PLEKHG1: variants seen among roughly 807,000 people sequenced by gnomAD.
The protein encoded by PLEKHG1 is pleckstrin homology and RhoGEF domain containing G1, also known as pleckstrin homology domain-containing family G member 1.
PLEKHG1 carries 44 observed loss-of-function variants against 100.8 expected under a neutral mutation model. The observed-to-expected ratio is 0.44, with a 90% CI of 0.34 to 0.56. The LOEUF (loss-of-function observed/expected upper bound fraction) is 0.56, where lower values mean the gene tolerates loss of function less well. Ranked by LOEUF, PLEKHG1 falls within the 20% of genes least tolerant of loss-of-function variation. The probability of loss-of-function intolerance (pLI) is 0.01; values close to 1 mark genes in which losing one functional copy is unlikely to be tolerated. For synonymous variants in PLEKHG1, 640 were observed against 662.5 expected (o/e 0.97, Z 0.52); for missense variants, 1,545 against 1,720.9 (o/e 0.90, Z 1.81).
chr6:150,604,991 G>T (rs762756698), intron 1 of PLEKHG1, among the ~76,000 whole-genome samples: 1 of 152,142 alleles, frequency 6.6e-6, no homozygotes, highest in African/African-American at 2.4e-5. Context: ...TGGGTGGGCC[G>T]CACTCTCTCT....
chr6:150,788,504 A>G (rs17080315), intron 4 of PLEKHG1, among the ~76,000 whole-genome samples: 191 of 152,340 alleles, frequency 1.3e-3, no homozygotes, highest in African/African-American at 4.4e-3. Context: ...TTATCGACAG[A>G]TGGAGAACAT....
intron 3 of PLEKHG1, among the ~76,000 whole-genome samples, chr6:150,777,228 T>C (rs13219452): frequency 7.0e-6 from 1 of 142,392 alleles, no homozygotes; most frequent in South Asian, 2.2e-4. Context: ...TGCACATGTG[T>C]GGTTGCACAT....
chr6:150,614,366 G>A (rs1043171972), intron 1 of PLEKHG1, among the ~76,000 whole-genome samples: 5 of 152,142 alleles, frequency 3.3e-5, no homozygotes, highest in Non-Finnish European at 5.9e-5. Context: ...ACTAGGAACC[G>A]TACTATTTTC....
intron 3 of PLEKHG1, among the ~76,000 whole-genome samples, chr6:150,660,176 C>T (rs1011279644): frequency 5.3e-5 from 8 of 151,808 alleles, no homozygotes; most frequent in Non-Finnish European, 2.9e-5. Flanking sequence ...TCCCAAAGTG[C>T]TGGGATTACA....
intron 3 of PLEKHG1, among the ~76,000 whole-genome samples, chr6:150,657,573 A>G (rs1210720497): frequency 1.3e-5 from 2 of 152,228 alleles, no homozygotes; most frequent in Non-Finnish European, 2.9e-5. Context: ...GTATTGGTAG[A>G]TTATCAGTAT....
At chr6:150,830,798 G>C (rs756100988) in exon 15 of PLEKHG1, 2 of 1,614,098 alleles carry the variant, frequency 1.2e-6, no homozygotes, top group South Asian at 2.2e-5. Context: ...TCAGATGTTC[G>C]TGCCGTCATT....
chr6:150,782,497 T>C (rs1273925141), intron 3 of PLEKHG1, among the ~76,000 whole-genome samples: 1 of 152,206 alleles, frequency 6.6e-6, no homozygotes, highest in Non-Finnish European at 1.5e-5. Context: ...TTCAGTGTAA[T>C]ATGAAGGATG....
intron 2 of PLEKHG1, among the ~76,000 whole-genome samples, chr6:150,735,554 A>T (rs964079186): frequency 2.0e-5 from 3 of 152,244 alleles, no homozygotes; most frequent in Admixed American, 1.3e-4. Flanking sequence ...GTACCTTCCC[A>T]GTAAAAATAG....
intron 1 of PLEKHG1, among the ~76,000 whole-genome samples, chr6:150,604,984 G>A (rs1234751263): frequency 6.6e-6 from 1 of 152,162 alleles, no homozygotes; most frequent in African/African-American, 2.4e-5. Context: ...AGAGCCCTGG[G>A]TGGGCCGCAC....
intron 4 of PLEKHG1, among the ~76,000 whole-genome samples, chr6:150,794,464 G>A (rs189157443): frequency 3.3e-5 from 5 of 151,988 alleles, no homozygotes; most frequent in African/African-American, 4.8e-5. Context: ...CCAGGAGTTC[G>A]AGACCAGCCT....
intron 15 of PLEKHG1, among the ~76,000 whole-genome samples, chr6:150,838,003 C>A (rs1777319766): frequency 6.6e-6 from 1 of 152,134 alleles, no homozygotes; most frequent in African/African-American, 2.4e-5. Context: ...TTACCTTGAT[C>A]ACAGGGAATA....
intron 1 of PLEKHG1, among the ~76,000 whole-genome samples, chr6:150,603,608 A>T (rs1443687148): frequency 6.6e-6 from 1 of 152,152 alleles, no homozygotes; most frequent in Non-Finnish European, 1.5e-5. Flanking sequence ...TTAGGAGTTG[A>T]CTGTGTATCT....
chr6:150,715,415 G>A (rs1323331396), intron 3 of PLEKHG1, among the ~76,000 whole-genome samples: 1 of 152,100 alleles, frequency 6.6e-6, no homozygotes, highest in Non-Finnish European at 1.5e-5. Context: ...TTCTTCTGAG[G>A]GACTTCAGTG....
chr6:150,698,607 T>TG (rs1244168162), intron 3 of PLEKHG1, among the ~76,000 whole-genome samples: 1 of 152,112 alleles, frequency 6.6e-6, no homozygotes, highest in Non-Finnish European at 1.5e-5. Flanking sequence ...AAAGAGTATT[T>TG]GGGGAAATGA....
chr6:150,670,552 C>T (rs973252717), intron 3 of PLEKHG1, among the ~76,000 whole-genome samples: 32 of 152,186 alleles, frequency 2.1e-4, no homozygotes, highest in African/African-American at 7.7e-4. Flanking sequence ...ACCAACATGT[C>T]AGTCCTAGAA....
rs201314895 is a variant in PLEKHG1 at position 150,804,153 on chromosome 6, TTTTA to T, written c.781-455_781-452del. ...AAAGAATGATGCTGGTGTGTAAATA[TTTTA>T]TATATATATATATATATATTTTTTT... On this transcript the variant is annotated intron_variant, in intron 6 of 15. Coordinates refer to ENST00000358517, the Ensembl canonical transcript of PLEKHG1. Among the ~76,000 whole-genome samples the T allele has an allele frequency of 2.6e-3, 82 of 31,794 alleles. 3 individuals carry two copies. In the East Asian group the frequency reaches 0.046, roughly 18 times the overall value. The allele number at this position is 31,794 out of a possible 152,430, so 20.9% of individuals were successfully genotyped here.
intron 7 of PLEKHG1, among the ~76,000 whole-genome samples, chr6:150,806,114 A>G (rs1487583005): frequency 2.6e-5 from 4 of 152,118 alleles, no homozygotes; most frequent in South Asian, 2.1e-4. Flanking sequence ...TATTTGGCTC[A>G]TAAGTCAGAA....
At chr6:150,655,747 T>G (rs1436919807) in intron 3 of PLEKHG1, among the ~76,000 whole-genome samples, 2 of 135,972 alleles carry the variant, frequency 1.5e-5, no homozygotes, top group Admixed American at 1.5e-4. Context: ...GTGACAAATA[T>G]ACACCATGGA....
intron 6 of PLEKHG1, 66 bp from the exon 8 acceptor site, chr6:150,804,544 T>C: frequency 1.5e-6 from 2 of 1,325,400 alleles, no homozygotes; most frequent in South Asian, 1.4e-5. Context: ...AGCGGTGCCA[T>C]TTGTTTCACT....
Sources: allele counts gnomAD v4.1 joint callset (sites outside exome capture counted in the v4.1 genomes callset), GRCh38; gene constraint gnomAD v4.1.1; transcripts MANE v1.5; gene names NCBI Gene and HGNC (gene_info 2026-07-23, HGNC 2026-07-21).